The following RASEF variants were observed in gnomAD, a reference collection of about 807,000 sequenced individuals.
RASEF encodes the protein ras and EF-hand domain-containing protein.
In RASEF, 68 loss-of-function variants were observed where a neutral mutation model predicts 90.1. That is an observed-to-expected ratio of 0.75 (90% CI 0.62 to 0.92). The LOEUF is 0.92. Among genes scored for constraint, RASEF ranks in the 40% least tolerant of loss-of-function variants. The probability of loss-of-function intolerance (pLI) is 0.00; values close to 1 mark genes in which losing one functional copy is unlikely to be tolerated. For synonymous variants in RASEF, 331 were observed against 345.2 expected, an observed-to-expected ratio of 0.96 and a Z score of 0.46; for missense variants, 949 against 937.2, an observed-to-expected ratio of 1.01 and a Z score of -0.16.
chr9:83,143,100 T>C, the RASEF span, among the ~76,000 whole-genome samples: 195 of 152,340 alleles, frequency 1.3e-3, no homozygotes, highest in African/African-American at 4.6e-3. Flanking sequence ...GAAGTCATGA[T>C]CTGTCCTTGA....
the RASEF span, among the ~76,000 whole-genome samples, chr9:83,165,027 G>GA: frequency 2.6e-5 from 4 of 151,294 alleles, no homozygotes; most frequent in African/African-American, 7.3e-5. Context: ...GAACTACGAG[G>GA]AAAAAAAATA....
At chr9:83,163,897 A>C in the RASEF span, among the ~76,000 whole-genome samples, 1 of 151,980 alleles carries the variant, frequency 6.6e-6, no homozygotes, top group Non-Finnish European at 1.5e-5. Context: ...TAAATGCTGA[A>C]AAAATTACAC....
At chr9:83,034,782 C>T (rs372330882) in intron 1 of RASEF, among the ~76,000 whole-genome samples, 1 of 152,200 alleles carries the variant, frequency 6.6e-6, no homozygotes, top group African/African-American at 2.4e-5. Flanking sequence ...ACCACATCTG[C>T]TTTATGACTC....
the RASEF span, among the ~76,000 whole-genome samples, chr9:83,190,400 A>G: frequency 1.3e-5 from 2 of 152,214 alleles, no homozygotes; most frequent in African/African-American, 4.8e-5. Context: ...GTTCTAGTGG[A>G]TCAATGGGCA....
At chr9:83,125,736 C>G in the RASEF span, among the ~76,000 whole-genome samples, 1 of 152,106 alleles carries the variant, frequency 6.6e-6, no homozygotes, top group Non-Finnish European at 1.5e-5. Context: ...ACAGATGGTC[C>G]AGGAGCAGTA....
At chr9:83,201,433 C>G in the RASEF span, among the ~76,000 whole-genome samples, 4 of 152,166 alleles carry the variant, frequency 2.6e-5, no homozygotes, top group African/African-American at 9.7e-5. Flanking sequence ...TTGGAAGAGG[C>G]CTTGGTAATG....
At chr9:83,018,809 A>G (rs923405476) in intron 3 of RASEF, among the ~76,000 whole-genome samples, 5 of 152,186 alleles carry the variant, frequency 3.3e-5, no homozygotes, top group African/African-American at 1.2e-4. Context: ...TTGGCATAAC[A>G]ATAGACAAAT....
the RASEF span, among the ~76,000 whole-genome samples, chr9:83,210,884 C>T: frequency 1.3e-5 from 2 of 152,216 alleles, no homozygotes; most frequent in Non-Finnish European, 2.9e-5. Flanking sequence ...TGGTCAGTCA[C>T]CCCAGGTAAA....
the RASEF span, among the ~76,000 whole-genome samples, chr9:83,200,694 G>A: frequency 6.6e-6 from 1 of 152,194 alleles, no homozygotes; most frequent in Non-Finnish European, 1.5e-5. Flanking sequence ...GATTTTGTCT[G>A]TTGTGTTCAC....
At chr9:83,161,886 T>A in the RASEF span, among the ~76,000 whole-genome samples, 1 of 152,054 alleles carries the variant, frequency 6.6e-6, no homozygotes, top group Non-Finnish European at 1.5e-5. Context: ...CAAGCTCTCC[T>A]CTCTTGTCTG....
chr9:83,134,408 GCGCA>G, the RASEF span, among the ~76,000 whole-genome samples: 2,196 of 135,964 alleles, frequency 0.016, 56 homozygotes, highest in African/African-American at 0.059. Context: ...GATCACAATA[GCGCA>G]CACACACACA....
the RASEF span, among the ~76,000 whole-genome samples, chr9:83,190,732 T>C: frequency 6.6e-6 from 1 of 152,190 alleles, no homozygotes; most frequent in Non-Finnish European, 1.5e-5. Context: ...TAATTGCCGA[T>C]GATGTACTTT....
At chr9:83,170,927 T>C in the RASEF span, among the ~76,000 whole-genome samples, 1 of 151,894 alleles carries the variant, frequency 6.6e-6, no homozygotes, top group South Asian at 2.1e-4. Flanking sequence ...TTTCTTTTGT[T>C]TGATTGCTCT....
chr9:83,161,226 T>C, the RASEF span, among the ~76,000 whole-genome samples: 4 of 152,180 alleles, frequency 2.6e-5, no homozygotes, highest in Non-Finnish European at 5.9e-5. Context: ...AAGCTACAGA[T>C]GCTGAATGCC....
the RASEF span, among the ~76,000 whole-genome samples, chr9:83,123,981 A>T: frequency 1.3e-5 from 2 of 152,030 alleles, no homozygotes; most frequent in Non-Finnish European, 2.9e-5. Flanking sequence ...CTTGGCAAAC[A>T]CCTTTCTACT....
chr9:83,190,032 C>T, the RASEF span, among the ~76,000 whole-genome samples: 12 of 152,284 alleles, frequency 7.9e-5, no homozygotes, highest in East Asian at 1.9e-4. Flanking sequence ...TCGCCCACTT[C>T]GCTTCCCTCC....
intron 5 of RASEF, among the ~76,000 whole-genome samples, chr9:83,011,017 A>G (rs569030612): frequency 1.3e-5 from 2 of 152,208 alleles, no homozygotes; most frequent in African/African-American, 2.4e-5. Flanking sequence ...CTATTTATCT[A>G]AACAAACTTA....
At chr9:83,144,999 G>A in the RASEF span, among the ~76,000 whole-genome samples, 1 of 152,058 alleles carries the variant, frequency 6.6e-6, no homozygotes, top group Admixed American at 6.6e-5. Context: ...AACATCTCTA[G>A]TCTTAATTCT....
intron 1 of RASEF, among the ~76,000 whole-genome samples, chr9:83,062,071 T>A (rs1830211327): frequency 2.6e-5 from 4 of 152,088 alleles, no homozygotes; most frequent in African/African-American, 9.7e-5. Context: ...AGCCCTGGGG[T>A]GAGAGCCTAA....
Sources: allele counts gnomAD v4.1 joint callset (sites outside exome capture counted in the v4.1 genomes callset), GRCh38; gene constraint gnomAD v4.1.1; transcripts MANE v1.5; gene names NCBI Gene and HGNC (gene_info 2026-07-23, HGNC 2026-07-21).